PEX5: variants seen among roughly 807,000 people sequenced by gnomAD.
PEX5 encodes PTS1 receptor.
PEX5 carries 52 observed loss-of-function variants against 82.9 expected under a neutral mutation model. The ratio of observed to expected loss-of-function variants is 0.63; its 90% CI spans 0.50 to 0.79. The LOEUF (loss-of-function observed/expected upper bound fraction) is 0.79, where lower values mean the gene tolerates loss of function less well. PEX5 is among the 30% of genes least tolerant of loss of function. The pLI is 0.00. For missense variants in PEX5, 719 were observed against 815.2 expected (o/e 0.88, Z 1.44); for synonymous variants, 300 against 318.8 (o/e 0.94, Z 0.63).
intron 1 of PEX5, chr12:7,189,975 G>A (rs977723079): frequency 3.3e-6 from 5 of 1,499,198 alleles, no homozygotes; most frequent in Non-Finnish European, 4.4e-6. Context: ...GGCTGCGCGG[G>A]GCTAGGTATG....
In PEX5 at chr12:7,197,396, ATATATGTCATATACAATGTAAT is replaced by A. The variant is rs1221146204; in HGVS notation, c.449-1589_449-1568del. On this transcript the variant is annotated intron_variant, in intron 5 of 15. Transcript: ENST00000675855. ...ATGTCATATACAATGTAATAATTAT[ATATATGTCATATACAATGTAAT>A]TATATGTCATATACAATGTAATTAT... Among the ~76,000 whole-genome samples, 412 of 77,536 alleles carry A rather than the reference ATATATGTCATATACAATGTAAT, an allele frequency of 5.3e-3. 18 individuals are homozygous for A. The highest frequency in any genetic ancestry group is 9.0e-3 in the Non-Finnish European group (288 of 31,898). The allele number at this position is 77,536 out of a possible 152,430, so 50.9% of individuals were successfully genotyped here.
In PEX5 at chr12:7,208,541, C is replaced by T. The variant is rs770732569; in HGVS notation, c.1266C>T (p.Ala422=). Residue 422 remains alanine (A), a synonymous_variant, in exon 13 of 16, where the codon GCC becomes GCT. Coordinates refer to ENST00000675855, the MANE Select transcript of PEX5 (RefSeq NM_001351132.2). ...SFTNESLQRQ[A]CETLRDWLRY... The stretch of plus-strand genomic sequence containing the variant: ...CCAACGAGTCCCTGCAGCGACAGGC[C>T]TGTGAAACCCTACGAGACTGGCTGC... 7 of 1,614,110 alleles carry T rather than the reference C, an allele frequency of 4.3e-6. No individual in the cohort carries two copies. The South Asian group carries it at 6.6e-5, about 15-fold the overall frequency.
chr12:7,196,180 A>G (rs1942081587), intron 5 of PEX5, among the ~76,000 whole-genome samples: 1 of 143,196 alleles, frequency 7.0e-6, no homozygotes, highest in Non-Finnish European at 1.5e-5. Flanking sequence ...TACATTATAT[A>G]TTATATATAA....
rs978063657 is a variant in PEX5, at chr12:7,203,618, C to A, written c.966+67C>A. ...TTCTTTTTAACGTCTTTCCTTTAAT[C>A]CTGAATTTGAAGGGTGCTTTTAAGT... On this transcript the variant is annotated intron_variant, in intron 10 of 15. Transcript: ENST00000675855. 1.0e-5 allele frequency: 15 copies of A among 1,493,166 alleles called. No individual in the cohort carries two copies. The Admixed American group carries it at 2.1e-4, about 21-fold the overall frequency. The allele number at this position is 1,493,166 out of a possible 1,614,324, so 92.5% of individuals were successfully genotyped here. A position where few individuals can be genotyped will look rare whatever the true frequency, so the allele number is the denominator to read the frequency against.
intron 5 of PEX5, among the ~76,000 whole-genome samples, chr12:7,195,922 GC>G (rs1941981163): frequency 6.6e-6 from 1 of 150,466 alleles, no homozygotes; most frequent in African/African-American, 2.4e-5. Flanking sequence ...TCCTGTAAGA[GC>G]TAGTGAGCAG....
In PEX5 at chr12:7,197,122, AATATATGTCATATATAATGTAATAATT is replaced by A. The variant is rs1565686282; in HGVS notation, c.449-1865_449-1839del. On this transcript the variant is annotated intron_variant, in intron 5 of 15. Transcript: ENST00000675855. ...AATTATATATGTCATATAATGTAAT[AATATATGTCATATATAATGTAATAATT>A]ATATATGTCATATATAATGTAATTA... Among the ~76,000 whole-genome samples, 8 of 6,762 alleles carry A rather than the reference AATATATGTCATATATAATGTAATAATT, an allele frequency of 1.2e-3. 2 individuals carry two copies. The highest frequency in any genetic ancestry group is 1.8e-3 in the African/African-American group (8 of 4,372). 4.4% of individuals were successfully genotyped at this position (6,762 alleles called of 152,430 possible).
downstream of PEX5, among the ~76,000 whole-genome samples, chr12:7,216,331 TAAC>T (rs533909945): frequency 1.2e-4 from 19 of 152,272 alleles, no homozygotes; most frequent in East Asian, 5.8e-4. Flanking sequence ...ACAAAGGTAA[TAAC>T]AACTTACTTT....
intron 6 of PEX5, among the ~76,000 whole-genome samples, chr12:7,200,886 G>C (rs1943797745): frequency 6.6e-6 from 1 of 150,972 alleles, no homozygotes; most frequent in South Asian, 2.1e-4. Flanking sequence ...CGTGGAAAGA[G>C]AGGGGGAGAG....
chr12:7,191,087 AC>A lies in PEX5; in HGVS notation c.184-138del, dbSNP rs1235070061. On this transcript the variant is annotated intron_variant, in intron 3 of 15. Coordinates refer to ENST00000675855, the MANE Select transcript of PEX5 (RefSeq NM_001351132.2). ...TTCGTCCTTCTAAATCTATGGAAAG[AC>A]AGTTTCTCTTTATGTGTCTCCAGTT... 1,621 of 1,197,652 alleles carry A rather than the reference AC, an allele frequency of 1.4e-3. 11 individuals carry two copies. The African/African-American group carries it at 0.016, about 11-fold the overall frequency. The allele number at this position is 1,197,652 out of a possible 1,614,324, so 74.2% of individuals were successfully genotyped here.
chr12:7,214,219 C>T (rs1449644737), downstream of PEX5, among the ~76,000 whole-genome samples: 1 of 152,202 alleles, frequency 6.6e-6, no homozygotes, highest in African/African-American at 2.4e-5. Flanking sequence ...CATCCCATTA[C>T]TGGGTATATT....
chr12:7,207,137 A>G (rs910685406), intron 10 of PEX5, among the ~76,000 whole-genome samples: 1 of 152,154 alleles, frequency 6.6e-6, no homozygotes, highest in African/African-American at 2.4e-5. Context: ...ATAAATTAAC[A>G]TTTTCAAAAT....
chr12:7,214,889 CAAA>C (rs1388212525), downstream of PEX5, among the ~76,000 whole-genome samples: 1 of 151,808 alleles, frequency 6.6e-6, no homozygotes, highest in Non-Finnish European at 1.5e-5. Flanking sequence ...TTATATTAGT[CAAA>C]AGTTCTAAAT....
intron 5 of PEX5, among the ~76,000 whole-genome samples, chr12:7,198,730 G>C (rs1028155970): frequency 6.6e-6 from 1 of 152,158 alleles, no homozygotes; most frequent in Non-Finnish European, 1.5e-5. Flanking sequence ...TCAAGAAAAA[G>C]AGTTTGGTTC....
At position 7,211,437 on chromosome 12, in the gene PEX5, CTG is replaced by C. The variant is rs933776654; in HGVS notation, c.*1216_*1217del. ...ATGTGTAAATGATTTAAAAATAAAA[CTG>C]TAAAATATTTGTACGAAGAATAAAT... On this transcript the variant is annotated 3_prime_UTR_variant, in exon 16 of 16. Coordinates refer to ENST00000675855, the MANE Select transcript of PEX5 (RefSeq NM_001351132.2). 6 of 152,108 alleles carry C rather than the reference CTG, an allele frequency of 3.9e-5. No homozygotes were observed. The highest frequency in any genetic ancestry group is 5.9e-5 in the Non-Finnish European group (4 of 68,024). The allele number at this position is 152,108 out of a possible 1,614,324, so 9.4% of individuals were successfully genotyped here.
At chr12:7,216,371 A>G (rs1048635745), downstream of PEX5, among the ~76,000 whole-genome samples, 2 of 152,244 alleles carry the variant, frequency 1.3e-5, no homozygotes, top group Non-Finnish European at 2.9e-5. Context: ...TAAGTGATTT[A>G]AATTTCATTT....
chr12:7,202,262 A>G lies in PEX5; in HGVS notation c.664A>G (p.Ile222Val), dbSNP rs778800705. ...NSEFLKFVRQ[I>V]GEGQVSLESG... ...CCAGTTCCTGAAATTCGTGCGGCAG[A>G]TTGGCGAAGGGCAGGTGTCCCTGGA... The change falls in exon 8 of 16, where the codon ATT (isoleucine) becomes GTT (valine). Residue 222 changes from isoleucine (I) to valine (V), a missense_variant. By Grantham distance (29) the Ile-to-Val change is conservative. Coordinates refer to ENST00000675855, the MANE Select transcript of PEX5 (RefSeq NM_001351132.2). The G allele has an allele frequency of 1.5e-5, 24 of 1,614,092 alleles. No homozygotes were observed. The East Asian group carries it at 5.3e-4, about 36-fold the overall frequency.
At chr12:7,214,135 CTA>C (rs1945709874), downstream of PEX5, among the ~76,000 whole-genome samples, 1 of 152,150 alleles carries the variant, frequency 6.6e-6, no homozygotes, top group African/African-American at 2.4e-5. Flanking sequence ...GGACTGTAAA[CTA>C]GTTCAACCAT....
At chr12:7,212,627 T>G (rs1242663388), downstream of PEX5, 2 of 151,918 alleles carry the variant, frequency 1.3e-5, no homozygotes, top group Non-Finnish European at 2.9e-5. Flanking sequence ...GTGAGAAAAA[T>G]GGTTGGTCAA....
intron 5 of PEX5, among the ~76,000 whole-genome samples, chr12:7,194,744 G>A (rs991299337): frequency 6.6e-6 from 1 of 152,152 alleles, no homozygotes; most frequent in Non-Finnish European, 1.5e-5. Flanking sequence ...TATGATAATC[G>A]TGAGAGATAA....
Sources: allele counts gnomAD v4.1 joint callset (sites outside exome capture counted in the v4.1 genomes callset), GRCh38; gene constraint gnomAD v4.1.1; transcripts MANE v1.5; gene names NCBI Gene and HGNC (gene_info 2026-07-23, HGNC 2026-07-21).